HDGFL3: variants seen among roughly 807,000 people sequenced by gnomAD.
The protein encoded by HDGFL3 is hepatoma-derived growth factor-related protein 3.
HDGFL3 carries 6 observed loss-of-function variants against 27.6 expected under a neutral mutation model. The ratio of observed to expected loss-of-function variants is 0.22; its 90% CI spans 0.12 to 0.43. The LOEUF (loss-of-function observed/expected upper bound fraction) is 0.43, where lower values mean the gene tolerates loss of function less well. Among genes scored for constraint, HDGFL3 ranks in the 20% least tolerant of loss-of-function variants. HDGFL3 has a pLI of 1.00. For synonymous variants in HDGFL3, 88 were observed against 88.9 expected, an observed-to-expected ratio of 0.99 and a Z score of 0.05; for missense variants, 207 against 250.1, an observed-to-expected ratio of 0.83 and a Z score of 1.16.
intron 1 of HDGFL3, among the ~76,000 whole-genome samples, chr15:83,183,631 C>T (rs1305873994): frequency 6.6e-6 from 1 of 151,992 alleles, no homozygotes; most frequent in Non-Finnish European, 1.5e-5. Flanking sequence ...TGTGGTGGCA[C>T]GCACCTGTAA....
At chr15:83,116,236 A>G (rs2034648707) in intron 3 of HDGFL3, among the ~76,000 whole-genome samples, 1 of 152,152 alleles carries the variant, frequency 6.6e-6, no homozygotes, top group South Asian at 2.1e-4. Flanking sequence ...GGTACCTTAA[A>G]TGGATTTAGT....
rs575651859 is a variant in HDGFL3 at position 83,121,377 on chromosome 15, C to T, written c.394-5636G>A. On this transcript the variant is annotated intron_variant, in intron 3 of 3. Transcript: ENST00000568294. ...GATTACAGGCATGAGCCACCATGCT[C>T]GGCCTGAAGGAAGTTTTTGTCAGCA... 9.9e-5 allele frequency among the ~76,000 whole-genome samples: 15 copies of T among 152,190 alleles called. No individual in the cohort carries two copies. The South Asian group carries it at 2.5e-3, about 25-fold the overall frequency.
At chr15:83,124,851 A>G (rs1221225066), downstream of HDGFL3, 2 of 1,327,634 alleles carry the variant, frequency 1.5e-6, no homozygotes, top group South Asian at 1.2e-5. Context: ...ACTTAGAAAT[A>G]TGTTTTTGTT....
intron 1 of HDGFL3, chr15:83,169,216 G>A (rs1239878785): frequency 2.2e-6 from 1 of 446,124 alleles, no homozygotes; most frequent in South Asian, 1.6e-5. Context: ...AGACAAGGAT[G>A]TCTACCTTCA....
At chr15:83,153,950 A>G (rs2036994675) in intron 4 of HDGFL3, among the ~76,000 whole-genome samples, 1 of 152,066 alleles carries the variant, frequency 6.6e-6, no homozygotes, top group African/African-American at 2.4e-5. Context: ...CCCAACTGGA[A>G]TGTAGTAAAA....
Position 83,186,471 on chromosome 15 carries a change from G to A in HDGFL3, c.84+20860C>T, listed in dbSNP as rs2037444071. ...CTACTGGTTAAAGATGGAAGGCTAA[G>A]ACAGCAAAAGAACATAGATGTTCAA... is the stretch of plus-strand genomic sequence containing the variant. On this transcript the variant is annotated intron_variant, in intron 1 of 5. Transcript: ENST00000299633. Among the ~76,000 whole-genome samples, 10 of 152,284 alleles carry A rather than the reference G, an allele frequency of 6.6e-5. No homozygotes were observed. The South Asian group carries it at 2.1e-3, about 32-fold the overall frequency.
At chr15:83,203,954 A>G (rs542456972) in intron 1 of HDGFL3, among the ~76,000 whole-genome samples, 21 of 149,614 alleles carry the variant, frequency 1.4e-4, no homozygotes, top group Non-Finnish European at 2.5e-4. Context: ...ACTTTTTAAC[A>G]TTAAGCTAGC....
intron 3 of HDGFL3, among the ~76,000 whole-genome samples, chr15:83,116,746 G>A (rs962846693): frequency 2.0e-5 from 3 of 152,218 alleles, no homozygotes; most frequent in South Asian, 2.1e-4. Context: ...CGCATGGGAA[G>A]TAGAGAGAGG....
intron 4 of HDGFL3, among the ~76,000 whole-genome samples, chr15:83,153,609 T>A (rs1596549908): frequency 6.6e-6 from 1 of 152,150 alleles, no homozygotes; most frequent in African/African-American, 2.4e-5. Context: ...TGGTCCTAAA[T>A]TGGTTATGTG....
intron 1 of HDGFL3, among the ~76,000 whole-genome samples, chr15:83,164,367 CAAAAA>C (rs869303457): frequency 1.6e-4 from 6 of 38,392 alleles, no homozygotes; most frequent in South Asian, 1.3e-3. Context: ...TTAGAGTAAC[CAAAAA>C]AAAAAAAAAA....
At chr15:83,195,361 C>T (rs1387032359) in intron 1 of HDGFL3, among the ~76,000 whole-genome samples, 1 of 151,306 alleles carries the variant, frequency 6.6e-6, no homozygotes. Context: ...TTTTTTTGCA[C>T]CCATGCTGTT....
At chr15:83,187,011 T>C (rs2037451243) in intron 1 of HDGFL3, among the ~76,000 whole-genome samples, 1 of 152,222 alleles carries the variant, frequency 6.6e-6, no homozygotes, top group Admixed American at 6.5e-5. Flanking sequence ...TGGTGATGAA[T>C]ATATCCCAAA....
At chr15:83,117,938 G>A (rs2034826755) in intron 3 of HDGFL3, among the ~76,000 whole-genome samples, 1 of 152,106 alleles carries the variant, frequency 6.6e-6, no homozygotes, top group African/African-American at 2.4e-5. Context: ...TGAAGAAGAG[G>A]GAGAATTGCC....
chr15:83,139,555 C>T (rs1414256930), intron 5 of HDGFL3, among the ~76,000 whole-genome samples: 1 of 152,166 alleles, frequency 6.6e-6, no homozygotes, highest in Admixed American at 6.5e-5. Context: ...CAGCAGTGCA[C>T]ATTCTACAAT....
Position 83,136,388 on chromosome 15 carries a change from GA to G in HDGFL3, c.*2881del. On this transcript the variant is annotated 3_prime_UTR_variant, in exon 6 of 6. Transcript: ENST00000299633. ...AGGTGAGACTGGTTTTGAGGGCACA[GA>G]AACGTAGCCTGAATGAACCATTCAG... 9 of 1,130,496 alleles carry G rather than the reference GA, an allele frequency of 8.0e-6. No individual in the cohort carries two copies. Among genetic ancestry groups the G allele is most frequent in the Non-Finnish European group, 1.1e-5 (9 of 821,992 alleles). 70.0% of individuals were successfully genotyped at this position (1,130,496 alleles called of 1,614,324 possible). A position where few individuals can be genotyped will look rare whatever the true frequency, so the allele number is the denominator to read the frequency against.
At chr15:83,127,511 G>A (rs2035876288), downstream of HDGFL3, 1 of 1,609,028 alleles carries the variant, frequency 6.2e-7, no homozygotes, top group Non-Finnish European at 8.5e-7. Flanking sequence ...AGGTTTACTT[G>A]TGGTCTAGGT....
chr15:83,158,351 C>T (rs2151402648), intron 2 of HDGFL3, among the ~76,000 whole-genome samples: 1 of 152,260 alleles, frequency 6.6e-6, no homozygotes, highest in East Asian at 1.9e-4. Context: ...TCTACTTTGG[C>T]CACTTAAATC....
intron 1 of HDGFL3, among the ~76,000 whole-genome samples, chr15:83,205,340 G>T (rs1353785499): frequency 6.6e-6 from 1 of 152,100 alleles, no homozygotes; most frequent in Non-Finnish European, 1.5e-5. Flanking sequence ...TTGAGTCTTA[G>T]GTTGTTTCTT....
downstream of HDGFL3, chr15:83,124,592 A>G (rs925639308): frequency 9.7e-5 from 106 of 1,088,554 alleles, no homozygotes; most frequent in Non-Finnish European, 1.5e-4. Flanking sequence ...CTTATCCATC[A>G]TCATGACATT....
Sources: gnomAD v4.1 joint callset for allele counts (sites outside exome capture counted in the v4.1 genomes callset) on GRCh38, gnomAD v4.1.1 for gene constraint, MANE v1.5 for transcripts, NCBI Gene and HGNC (gene_info 2026-07-23, HGNC 2026-07-21) for gene names.